DNAH17: variants seen among roughly 807,000 people sequenced by gnomAD.
DNAH17 encodes the protein axonemal beta dynein heavy chain 17.
A neutral mutation model predicts 485.6 loss-of-function variants in DNAH17; 376 were observed. That is an observed-to-expected ratio of 0.77 (90% CI 0.71 to 0.84). DNAH17 has a LOEUF of 0.84. DNAH17 is among the 40% of genes least tolerant of loss of function. The probability of loss-of-function intolerance (pLI) is 0.00; values close to 1 mark genes in which losing one functional copy is unlikely to be tolerated. For missense variants in DNAH17, 6,370 were observed against 5,839.3 expected (o/e 1.09, Z -2.96); for synonymous variants, 3,031 against 2,405.9 (o/e 1.26, Z -7.60).
At chr17:78,453,210 C>A in intron 65 of DNAH17, 133 bp downstream of exon 65, 3 of 1,220,338 alleles carry the variant, frequency 2.5e-6, no homozygotes, top group Non-Finnish European at 3.4e-6. Context: ...CACCAGCAGG[C>A]ACTTTGTCAA....
intron 69 of DNAH17, among the ~76,000 whole-genome samples, chr17:78,447,196 G>T (rs912817486): frequency 1.3e-5 from 2 of 152,280 alleles, no homozygotes; most frequent in African/African-American, 4.8e-5. Flanking sequence ...CAAAGTGTTG[G>T]GATACTAGGC....
Position 78,428,596 on chromosome 17 carries a change from G to A in DNAH17, c.12517C>T (p.Arg4173Cys), listed in dbSNP as rs747523343. The change falls in exon 77 of 81, where the codon CGC (arginine) becomes TGC (cysteine). Residue 4173 changes from arginine (R) to cysteine (C), a missense_variant. Arg to Cys is a radical substitution (Grantham distance 180). Transcript: ENST00000389840. ...TTTGGCTGCATTTCCAGGACAGTGC[G>A]GAACAGCTTCTCTGAGGTGACCGTC... The part of the protein sequence containing the change: ...FLTVTSEKLF[R>C]TVLEMQPKET... 2.9e-5 allele frequency: 46 copies of A among 1,613,800 alleles called. No individual in the cohort carries two copies. The South Asian group carries it at 3.1e-4, about 11-fold the overall frequency.
intron 20 of DNAH17, among the ~76,000 whole-genome samples, chr17:78,530,818 C>T (rs561643267): frequency 6.6e-6 from 1 of 152,312 alleles, no homozygotes; most frequent in Non-Finnish European, 1.5e-5. Flanking sequence ...AACCAGGTCA[C>T]AGGCTCCTAA....
chr17:78,458,990 C>T lies in DNAH17; in HGVS notation c.9861+11G>A. ...GGTGTTTCGCAGGGACGGGAGCGAG[C>T]CGGCACTTACGGCAATCTTGTTTTT... is the stretch of plus-strand genomic sequence containing the variant. On this transcript the variant is annotated intron_variant, in intron 61 of 80. Transcript: ENST00000389840. 1 of 1,613,738 alleles carries T rather than the reference C, an allele frequency of 6.2e-7. No individual in the cohort carries two copies. The highest frequency in any genetic ancestry group is 8.5e-7 in the Non-Finnish European group (1 of 1,179,754).
chr17:78,498,308 G>T lies in DNAH17; in HGVS notation c.5745+700C>A, dbSNP rs76479871. On this transcript the variant is annotated intron_variant, in intron 37 of 80. Transcript: ENST00000389840. Reference sequence around the variant, plus strand: ...GTGGGAGGACCTTGACACCGCCAACGCCCTGACTTGCATTTCCTTTTGGAA... The same window carrying T: ...GTGGGAGGACCTTGACACCGCCAACTCCCTGACTTGCATTTCCTTTTGGAA... 9.3e-3 allele frequency among the ~76,000 whole-genome samples: 1,420 copies of T among 152,238 alleles called. 22 individuals are homozygous for T. Among genetic ancestry groups the T allele is most frequent in the African/African-American group, 0.032 (1,331 of 41,538 alleles).
intron 44 of DNAH17, among the ~76,000 whole-genome samples, chr17:78,486,719 G>A (rs1191474559): frequency 6.6e-6 from 1 of 152,232 alleles, no homozygotes; most frequent in Non-Finnish European, 1.5e-5. Context: ...GGTCGTGGGG[G>A]CTGTGCCCTC....
At chr17:78,565,827 A>G (rs111622404) in intron 11 of DNAH17, among the ~76,000 whole-genome samples, 1,932 of 152,158 alleles carry the variant, frequency 0.013, 44 homozygotes, top group African/African-American at 0.04. Flanking sequence ...GCGTATGCCT[A>G]TAATTCCAGC....
chr17:78,468,863 G>A lies in DNAH17; in HGVS notation c.8532C>T (p.Tyr2844=). 2.5e-6 allele frequency: 4 copies of A among 1,613,618 alleles called. No homozygotes were observed. Among genetic ancestry groups the A allele is most frequent in the Admixed American group, 1.7e-5 (1 of 60,024 alleles). The change falls in exon 55 of 81, where the codon TAC becomes TAT. Residue 2844 remains tyrosine, a synonymous_variant. Transcript: ENST00000389840. ...PDLKIDLAAQ[Y]IKAAVKNVPS... is the part of the protein sequence containing the mutation. ...GAACGTTCTTCACGGCAGCCTTTATGTACTGAGCAGCGAGGTCAATCTGGA... is the reference window on the plus strand; with the variant it reads ...GAACGTTCTTCACGGCAGCCTTTATATACTGAGCAGCGAGGTCAATCTGGA...
chr17:78,446,119 A>G (rs1202119019), intron 69 of DNAH17, among the ~76,000 whole-genome samples: 1 of 140,020 alleles, frequency 7.1e-6, no homozygotes, highest in South Asian at 2.4e-4. Flanking sequence ...GGTTACAGTA[A>G]GCCGAGATTA....
At chr17:78,490,206 C>G (rs1210859859) in intron 44 of DNAH17, 1 of 155,154 alleles carries the variant, frequency 6.4e-6, no homozygotes, top group Non-Finnish European at 1.4e-5. Context: ...TGCACCTTGG[C>G]CCAGCATCAG....
Position 78,531,809 on chromosome 17 carries a change from T to C in DNAH17, c.3114+673A>G, listed in dbSNP as rs367857370. ...GTTACCTTCATCCATTCAGACAATCTATATCTTTTAAGTGGGGAATTGAAT... is the reference window on the plus strand; with the variant it reads ...GTTACCTTCATCCATTCAGACAATCCATATCTTTTAAGTGGGGAATTGAAT... On this transcript the variant is annotated intron_variant, in intron 20 of 80. Coordinates refer to ENST00000389840, the MANE Select transcript of DNAH17 (RefSeq NM_173628.4). Among the ~76,000 whole-genome samples, 22 of 152,358 alleles carry C rather than the reference T, an allele frequency of 1.4e-4. No individual in the cohort carries two copies. The South Asian group carries it at 1.7e-3, about 11-fold the overall frequency.
intron 11 of DNAH17, among the ~76,000 whole-genome samples, chr17:78,565,112 C>T (rs2092240779): frequency 6.6e-6 from 1 of 152,184 alleles, no homozygotes; most frequent in Admixed American, 6.5e-5. Context: ...ATTTTCTATC[C>T]ATGGACTCCC....
chr17:78,478,872 A>G (rs2089225212), intron 51 of DNAH17, 153 bp downstream of exon 51: 5 of 652,918 alleles, frequency 7.7e-6, no homozygotes, highest in African/African-American at 5.5e-5. Flanking sequence ...CACCACCACC[A>G]TTACCATCAC....
intron 20 of DNAH17, 25 bp from the exon 21 acceptor site, chr17:78,530,537 C>T (rs548314097): frequency 1.3e-6 from 2 of 1,584,708 alleles, no homozygotes; most frequent in South Asian, 1.1e-5. Flanking sequence ...CACCGGCGGC[C>T]TGTCATAGCC....
intron 64 of DNAH17, among the ~76,000 whole-genome samples, 183 bp downstream of exon 64, chr17:78,454,287 G>C (rs543570499): frequency 2.6e-5 from 4 of 152,284 alleles, no homozygotes; most frequent in Admixed American, 6.5e-5. Context: ...TGGGGACAGG[G>C]GAAGGGAAAA....
rs2091959862 is a variant in DNAH17 at position 78,553,691 on chromosome 17, T to G, written c.2179-886A>C. On this transcript the variant is annotated intron_variant, in intron 14 of 80. Transcript: ENST00000389840. ...TCCACAATTTTTAGAATGACTTTTA[T>G]CACTGAGGATTTATGTACGGTTACT... is the stretch of plus-strand genomic sequence containing the variant. 2.0e-5 allele frequency among the ~76,000 whole-genome samples: 3 copies of G among 152,352 alleles called. 1 individual carries two copies. Among genetic ancestry groups the G allele is most frequent in the Middle Eastern group, 6.8e-3 (2 of 294 alleles).
chr17:78,456,346 C>A (rs182269965), intron 62 of DNAH17, among the ~76,000 whole-genome samples: 32 of 152,270 alleles, frequency 2.1e-4, no homozygotes, highest in African/African-American at 7.2e-4. Context: ...AACTCCTTGG[C>A]AGCCCTTAGG....
chr17:78,571,346 C>T lies in DNAH17; in HGVS notation c.765G>A (p.Glu255=), dbSNP rs1225985832. ...AGCAGCTTTTGGCTTTCTCTAGGAT[C>T]TCAACAATCTTGTTCACTTTGGGTC... is the stretch of plus-strand genomic sequence containing the variant. ...LNRPKVNKIV[E]ILEKAKSCYW... is the part of the protein sequence containing the mutation. The change falls in exon 5 of 81, where the codon GAG becomes GAA. Residue 255 remains glutamate, a synonymous_variant. Transcript: ENST00000389840. 4.3e-6 allele frequency: 7 copies of T among 1,613,834 alleles called. No individual in the cohort carries two copies. In the African/African-American group the frequency reaches 8.0e-5, roughly 18 times the overall value.
At position 78,550,468 on chromosome 17, in the gene DNAH17, G is replaced by A. The variant is rs145565828; in HGVS notation, c.2391+1067C>T. ...ATTTGGAGATGAGAGCTTTAAAGAG[G>A]TGCTTAAGTTAATATGAGGTCATTA... On this transcript the variant is annotated intron_variant, in intron 16 of 80. Transcript: ENST00000389840. Among the ~76,000 whole-genome samples the A allele has an allele frequency of 7.2e-5, 11 of 152,372 alleles. No individual in the cohort carries two copies. In the East Asian group the frequency reaches 2.1e-3, roughly 29 times the overall value.
Sources: allele counts gnomAD v4.1 joint callset (sites outside exome capture counted in the v4.1 genomes callset), GRCh38; gene constraint gnomAD v4.1.1; transcripts MANE v1.5; gene names NCBI Gene and HGNC (gene_info 2026-07-23, HGNC 2026-07-21).